FHIT: variants seen among roughly 807,000 people sequenced by gnomAD.
FHIT encodes the protein bis(5'-adenosyl)-triphosphatase.
A neutral mutation model predicts 17.9 loss-of-function variants in FHIT; 19 were observed. The observed-to-expected ratio is 1.06, with a 90% CI of 0.74 to 1.56. FHIT has a LOEUF of 1.56. FHIT is among the 40% of genes most tolerant of loss of function. FHIT has a pLI of 0.00. For missense variants in FHIT, 248 were observed against 189.2 expected, an observed-to-expected ratio of 1.31 and a Z score of -1.82; for synonymous variants, 81 against 69.7, an observed-to-expected ratio of 1.16 and a Z score of -0.81.
chr3:60,200,467 T>C (rs181632769), intron 5 of FHIT, among the ~76,000 whole-genome samples: 1 of 152,274 alleles, frequency 6.6e-6, no homozygotes, highest in East Asian at 1.9e-4. Flanking sequence ...GGCATTTTCC[T>C]ATACATGACC....
intron 8 of FHIT, among the ~76,000 whole-genome samples, chr3:59,921,944 G>C (rs75897247): frequency 6.6e-6 from 1 of 152,168 alleles, no homozygotes; most frequent in Admixed American, 6.6e-5. Flanking sequence ...GACAAGCTGA[G>C]TTCCAAAGTG....
chr3:59,997,429 A>C (rs1467156399), intron 7 of FHIT, among the ~76,000 whole-genome samples: 1 of 152,172 alleles, frequency 6.6e-6, no homozygotes, highest in Middle Eastern at 3.2e-3. Context: ...TGAAAAAGCA[A>C]ACTATTATAG....
chr3:59,898,515 C>T lies in FHIT; in HGVS notation c.348+23831G>A, dbSNP rs141296148. On this transcript the variant is annotated intron_variant, in intron 8 of 9. Coordinates refer to ENST00000492590, the MANE Select transcript of FHIT (RefSeq NM_002012.4). ...GCTTACCAATGTTAAAAACAGATTT[C>T]CAACATTTCTTGAAACAAATATTAG... Among the ~76,000 whole-genome samples the T allele has an allele frequency of 2.0e-3, 301 of 151,836 alleles. 1 individual carries two copies. Among genetic ancestry groups the T allele is most frequent in the African/African-American group, 6.6e-3 (275 of 41,356 alleles).
At chr3:60,163,173 A>G (rs1701013828) in intron 5 of FHIT, among the ~76,000 whole-genome samples, 1 of 152,132 alleles carries the variant, frequency 6.6e-6, no homozygotes, top group Admixed American at 6.5e-5. Context: ...GAAACTGAGA[A>G]CTGCACAGGT....
intron 2 of FHIT, among the ~76,000 whole-genome samples, chr3:61,119,229 T>C (rs1450350899): frequency 6.6e-6 from 1 of 152,154 alleles, no homozygotes; most frequent in Non-Finnish European, 1.5e-5. Flanking sequence ...AGTAATTTTT[T>C]TTTTTTCGAG....
At chr3:60,297,260 T>G (rs1708254348) in intron 5 of FHIT, among the ~76,000 whole-genome samples, 1 of 152,118 alleles carries the variant, frequency 6.6e-6, no homozygotes, top group African/African-American at 2.4e-5. Flanking sequence ...ATGATGAATC[T>G]TCTAACCTGT....
intron 3 of FHIT, among the ~76,000 whole-genome samples, chr3:60,841,827 C>A (rs1379553320): frequency 6.6e-6 from 1 of 152,028 alleles, no homozygotes; most frequent in Admixed American, 6.6e-5. Flanking sequence ...TACAAATGGA[C>A]AAAAATGTCT....
chr3:59,837,006 T>C (rs1701361416), intron 8 of FHIT, among the ~76,000 whole-genome samples: 1 of 152,194 alleles, frequency 6.6e-6, no homozygotes, highest in Non-Finnish European at 1.5e-5. Context: ...TTATATTCCA[T>C]TCAACACTAG....
At chr3:60,672,909 A>AG in intron 4 of FHIT, among the ~76,000 whole-genome samples, 1 of 145,808 alleles carries the variant, frequency 6.9e-6, no homozygotes, top group African/African-American at 2.6e-5. Context: ...GTGTGTGTGC[A>AG]TGCATGCTCT....
In FHIT at chr3:61,036,901, G is replaced by GTTTTTTTTTT. The variant is rs746649804; in HGVS notation, c.-111+5136_-111+5145dup. ...TTCACCTCAAAGATCAGTCTGCTTT[G>GTTTTTTTTTT]TTTTTTTTTTTTGTTTGTTTGTTTT... On this transcript the variant is annotated intron_variant, in intron 3 of 9. Transcript: ENST00000492590. Among the ~76,000 whole-genome samples the GTTTTTTTTTT allele has an allele frequency of 5.2e-3, 366 of 70,240 alleles. 17 individuals are homozygous for GTTTTTTTTTT. The highest frequency in any genetic ancestry group is 0.011 in the African/African-American group (347 of 31,262). The allele number at this position is 70,240 out of a possible 152,430, so 46.1% of individuals were successfully genotyped here.
At chr3:61,213,432 G>A (rs2039557617) in intron 1 of FHIT, among the ~76,000 whole-genome samples, 1 of 152,174 alleles carries the variant, frequency 6.6e-6, no homozygotes, top group African/African-American at 2.4e-5. Flanking sequence ...ATGGTAAAGG[G>A]ATCAATTCAA....
At chr3:60,965,013 T>A (rs1372225093) in intron 3 of FHIT, among the ~76,000 whole-genome samples, 2 of 152,316 alleles carry the variant, frequency 1.3e-5, no homozygotes, top group South Asian at 4.1e-4. Flanking sequence ...CTGGATAATA[T>A]CCTGCAGAGT....
intron 4 of FHIT, among the ~76,000 whole-genome samples, chr3:60,647,832 GA>G (rs1184751934): frequency 6.6e-6 from 1 of 152,176 alleles, no homozygotes; most frequent in Non-Finnish European, 1.5e-5. Flanking sequence ...AAAAGGATGG[GA>G]AAAGCTAGTA....
chr3:60,742,660 C>T (rs77030920), intron 4 of FHIT, among the ~76,000 whole-genome samples: 2,369 of 152,312 alleles, frequency 0.016, 60 homozygotes, highest in African/African-American at 0.054. Context: ...GGAACCCATG[C>T]GTTTGATTGT....
chr3:60,084,022 C>A (rs76199501), intron 5 of FHIT, among the ~76,000 whole-genome samples: 1 of 139,352 alleles, frequency 7.2e-6, no homozygotes, highest in East Asian at 2.0e-4. Flanking sequence ...ATGACCACCA[C>A]ATATTAAGTG....
intron 5 of FHIT, among the ~76,000 whole-genome samples, chr3:60,054,456 C>T (rs994875333): frequency 1.3e-5 from 2 of 152,162 alleles, no homozygotes; most frequent in African/African-American, 2.4e-5. Flanking sequence ...AATGAAGTGG[C>T]ATTGCTCTGA....
chr3:60,669,850 A>C (rs906422105), intron 4 of FHIT, among the ~76,000 whole-genome samples: 1 of 152,206 alleles, frequency 6.6e-6, no homozygotes, highest in Non-Finnish European at 1.5e-5. Context: ...CCCACTGAGC[A>C]AGAAAGAATT....
chr3:60,302,391 A>G (rs923868255), intron 5 of FHIT, among the ~76,000 whole-genome samples: 4 of 151,976 alleles, frequency 2.6e-5, no homozygotes, highest in East Asian at 1.9e-4. Context: ...ACCCTGCATA[A>G]TTTCTCCTAT....
chr3:60,391,725 G>A (rs1026101591), intron 5 of FHIT, among the ~76,000 whole-genome samples: 8 of 152,176 alleles, frequency 5.3e-5, no homozygotes, highest in African/African-American at 1.2e-4. Flanking sequence ...ATTTGTGTAA[G>A]TAACTATGAT....
Sources: gnomAD v4.1 joint callset for allele counts (sites outside exome capture counted in the v4.1 genomes callset) on GRCh38, gnomAD v4.1.1 for gene constraint, MANE v1.5 for transcripts, NCBI Gene and HGNC (gene_info 2026-07-23, HGNC 2026-07-21) for gene names.